The following IAPP variants were observed in gnomAD, a reference collection of about 807,000 sequenced individuals.
IAPP encodes the protein islet amyloid polypeptide, also known as Islet amyloid polypeptide (diabetes-associated peptide; amylin).
Under a neutral mutation model 2.9 loss-of-function variants are expected in IAPP, and 4 were observed. That is an observed-to-expected ratio of 1.39 (90% CI 0.69 to 3.19). The LOEUF is 3.19. Among genes scored for constraint, IAPP ranks in the 30% most tolerant of loss-of-function variants. IAPP has a pLI of 0.01. For missense variants in IAPP, 114 were observed against 105.3 expected, an observed-to-expected ratio of 1.08 and a Z score of -0.36; for synonymous variants, 40 against 42.1, an observed-to-expected ratio of 0.95 and a Z score of 0.19.
chr12:21,359,013 T>G (rs1339771665), intron 1 of IAPP, among the ~76,000 whole-genome samples: 1 of 152,218 alleles, frequency 6.6e-6, no homozygotes, highest in Non-Finnish European at 1.5e-5. Flanking sequence ...TTCAGAATCC[T>G]ATGCTTAGCT....
At chr12:21,360,296 T>C (rs930743568) in intron 1 of IAPP, among the ~76,000 whole-genome samples, 1 of 152,226 alleles carries the variant, frequency 6.6e-6, no homozygotes, top group Non-Finnish European at 1.5e-5. Flanking sequence ...ATTTTAAATA[T>C]GTGCAGTTTA....
chr12:21,373,627 T>C, intron 2 of IAPP, 196 bp downstream of exon 2: 1 of 700,044 alleles, frequency 1.4e-6, no homozygotes, highest in Non-Finnish European at 2.6e-6. Context: ...ATATCTTTGA[T>C]GGAACTTCTG....
At chr12:21,375,312 A>C (rs1940109492) in intron 2 of IAPP, among the ~76,000 whole-genome samples, 1 of 152,194 alleles carries the variant, frequency 6.6e-6, no homozygotes, top group Admixed American at 6.5e-5. Context: ...AGTATGTTTG[A>C]ACATTTGTTA....
intron 1 of IAPP, among the ~76,000 whole-genome samples, chr12:21,355,165 T>C (rs1938265652): frequency 6.6e-6 from 1 of 152,182 alleles, no homozygotes; most frequent in African/African-American, 2.4e-5. Flanking sequence ...GTTGGCAATT[T>C]TAAGAAGACC....
chr12:21,378,041 G>A (rs191911396), intron 2 of IAPP, among the ~76,000 whole-genome samples, 196 bp from the exon 3 acceptor site: 1 of 152,136 alleles, frequency 6.6e-6, no homozygotes, highest in Non-Finnish European at 1.5e-5. Context: ...GAAAGATGTT[G>A]TATGATTTTC....
chr12:21,356,232 A>G (rs1258641319), intron 1 of IAPP, among the ~76,000 whole-genome samples: 2 of 152,014 alleles, frequency 1.3e-5, no homozygotes, highest in Non-Finnish European at 2.9e-5. Context: ...ATATTTATAT[A>G]TAATTCTTGA....
intron 1 of IAPP, among the ~76,000 whole-genome samples, chr12:21,365,179 G>T (rs562633474): frequency 6.6e-6 from 1 of 152,238 alleles, no homozygotes. Context: ...AAACAGCATG[G>T]TACTGGTACC....
chr12:21,367,051 G>A (rs913517683), intron 1 of IAPP, among the ~76,000 whole-genome samples: 6 of 152,186 alleles, frequency 3.9e-5, no homozygotes, highest in South Asian at 2.1e-4. Flanking sequence ...AAGCATATCA[G>A]CCTGAATTTA....
chr12:21,371,834 C>T (rs970106047), upstream of IAPP, among the ~76,000 whole-genome samples: 1 of 151,972 alleles, frequency 6.6e-6, no homozygotes, highest in Non-Finnish European at 1.5e-5. Context: ...GAATCCCCGT[C>T]TCCACTAAAA....
intron 1 of IAPP, among the ~76,000 whole-genome samples, chr12:21,362,664 G>A (rs765897770): frequency 2.6e-5 from 4 of 152,118 alleles, no homozygotes; most frequent in Non-Finnish European, 4.4e-5. Context: ...CATCTCACAC[G>A]CAGAGACACG....
intron 2 of IAPP, among the ~76,000 whole-genome samples, chr12:21,377,138 T>A (rs1940257677): frequency 1.3e-5 from 2 of 152,312 alleles, no homozygotes; most frequent in South Asian, 4.1e-4. Context: ...TTCTTCCAGG[T>A]GGCTAGAAAA....
At chr12:21,367,604 T>G (rs1235588105) in intron 1 of IAPP, among the ~76,000 whole-genome samples, 1 of 152,010 alleles carries the variant, frequency 6.6e-6, no homozygotes, top group African/African-American at 2.4e-5. Flanking sequence ...GAGGCAAATG[T>G]TAATTAGAAG....
At chr12:21,355,825 C>A (rs534127848) in intron 1 of IAPP, among the ~76,000 whole-genome samples, 2 of 151,926 alleles carry the variant, frequency 1.3e-5, no homozygotes, top group Non-Finnish European at 2.9e-5. Context: ...ATAAACCAAC[C>A]ATATATAAAA....
At position 21,378,425 on chromosome 12, in the gene IAPP, A is replaced by G. The variant is rs1459286810; in HGVS notation, c.269A>G (p.Ter90TrpextTer4). 6.2e-7 allele frequency: 1 copy of G among 1,610,282 alleles called. No individual in the cohort carries two copies. The change falls in exon 3 of 3, where the codon TAG becomes TGG. Residue 90 changes from the stop codon to tryptophan, a stop_lost. Transcript: ENST00000240652. ...KREPLNYLPL* is the reference protein window; with the variant it reads ...KREPLNYLPLW ...GAGCCACTGAATTACTTGCCCCTTT[A>G]GAGGACAATGTAACTCTATAGTTAT...
At chr12:21,356,485 G>GA (rs1391933780) in intron 1 of IAPP, among the ~76,000 whole-genome samples, 1 of 149,340 alleles carries the variant, frequency 6.7e-6, no homozygotes, top group Non-Finnish European at 1.5e-5. Flanking sequence ...GGATACAAAA[G>GA]AAAAAAAGGG....
At chr12:21,363,020 A>T (rs141278823) in intron 1 of IAPP, among the ~76,000 whole-genome samples, 7,858 of 152,208 alleles carry the variant, frequency 0.052, 285 homozygotes, top group Non-Finnish European at 0.079. Context: ...TCCAGGAATT[A>T]AACTCAGCTC....
chr12:21,364,298 A>G (rs1939189931), intron 1 of IAPP, among the ~76,000 whole-genome samples: 1 of 152,220 alleles, frequency 6.6e-6, no homozygotes, highest in Admixed American at 6.5e-5. Flanking sequence ...GACAAAAACC[A>G]CATGATTATC....
chr12:21,358,294 T>C (rs1256537589), intron 1 of IAPP, among the ~76,000 whole-genome samples: 2 of 152,096 alleles, frequency 1.3e-5, no homozygotes, highest in Non-Finnish European at 2.9e-5. Context: ...ACATAGAAAA[T>C]AGTGTTCTTT....
chr12:21,374,699 C>A (rs1198015754), intron 2 of IAPP, among the ~76,000 whole-genome samples: 1 of 152,162 alleles, frequency 6.6e-6, no homozygotes, highest in Non-Finnish European at 1.5e-5. Flanking sequence ...TGAATGATGA[C>A]AGGAAAATCA....
Sources: gnomAD v4.1 joint callset for allele counts (sites outside exome capture counted in the v4.1 genomes callset) on GRCh38, gnomAD v4.1.1 for gene constraint, MANE v1.5 for transcripts, NCBI Gene and HGNC (gene_info 2026-07-23, HGNC 2026-07-21) for gene names.